KLRG1: variants seen among roughly 807,000 people sequenced by gnomAD.
KLRG1 encodes the protein killer cell lectin-like receptor subfamily G member 1.
In KLRG1, 16 loss-of-function variants were observed where a neutral mutation model predicts 21.8. That is an observed-to-expected ratio of 0.73 (90% CI 0.50 to 1.11). The LOEUF (loss-of-function observed/expected upper bound fraction) is 1.11. Among genes scored for constraint, KLRG1 ranks in the 50% most tolerant of loss-of-function variants. The pLI is 0.00. For synonymous variants in KLRG1, 69 were observed against 75.9 expected, an observed-to-expected ratio of 0.91 and a Z score of 0.47; for missense variants, 173 against 218.3, an observed-to-expected ratio of 0.79 and a Z score of 1.31.
intron 1 of KLRG1, among the ~76,000 whole-genome samples, chr12:8,960,490 TG>T (rs1292811007): frequency 6.6e-6 from 1 of 152,220 alleles, no homozygotes; most frequent in African/African-American, 2.4e-5. Flanking sequence ...TCTTAATATA[TG>T]GGATTTTCAG....
At chr12:9,175,358 C>T in the KLRG1 span, among the ~76,000 whole-genome samples, 1 of 151,914 alleles carries the variant, frequency 6.6e-6, no homozygotes, top group East Asian at 1.9e-4. Flanking sequence ...CTATAAAGAC[C>T]CTTGAAGAAA....
the KLRG1 span, among the ~76,000 whole-genome samples, chr12:9,114,865 A>G: frequency 2.0e-5 from 3 of 152,188 alleles, no homozygotes; most frequent in Admixed American, 2.0e-4. Flanking sequence ...ATACTTGTAT[A>G]TAACTGATCA....
chr12:9,051,493 G>A, the KLRG1 span, among the ~76,000 whole-genome samples: 2 of 152,188 alleles, frequency 1.3e-5, no homozygotes, highest in African/African-American at 4.8e-5. Context: ...GCGGAGAGGA[G>A]CAATCCTCTC....
chr12:9,208,215 G>T, the KLRG1 span: 2 of 1,488,694 alleles, frequency 1.3e-6, no homozygotes, highest in South Asian at 1.1e-5. Flanking sequence ...ACAAGGGAGA[G>T]ACTGAAACGC....
chr12:9,016,765 C>T, the KLRG1 span, among the ~76,000 whole-genome samples: 1 of 151,992 alleles, frequency 6.6e-6, no homozygotes, highest in Non-Finnish European at 1.5e-5. Context: ...AGGTGTGCGT[C>T]ACCACACCTG....
the KLRG1 span, among the ~76,000 whole-genome samples, chr12:9,182,776 G>T: frequency 6.6e-6 from 1 of 152,190 alleles, no homozygotes; most frequent in African/African-American, 2.4e-5. Context: ...TGGTCCACTG[G>T]GGACTTGAGT....
the KLRG1 span, chr12:9,106,257 C>T: frequency 6.2e-7 from 1 of 1,611,580 alleles, no homozygotes; most frequent in East Asian, 2.2e-5. Flanking sequence ...AGGGAATTCC[C>T]TGTCGAAAGT....
chr12:9,109,357 A>G, the KLRG1 span: 2 of 1,613,392 alleles, frequency 1.2e-6, no homozygotes, highest in Admixed American at 1.7e-5. Context: ...TTCTTCCAAG[A>G]TGGTGATTAT....
At chr12:9,130,310 C>A in the KLRG1 span, among the ~76,000 whole-genome samples, 2 of 152,136 alleles carry the variant, frequency 1.3e-5, no homozygotes, top group Non-Finnish European at 2.9e-5. Flanking sequence ...TGGATATACA[C>A]CCATAAGTAA....
At chr12:9,074,114 T>C in the KLRG1 span, among the ~76,000 whole-genome samples, 1 of 136,652 alleles carries the variant, frequency 7.3e-6, no homozygotes, top group South Asian at 2.3e-4. Context: ...AAAAGGTGAA[T>C]AGGGGAAGCA....
At chr12:8,989,850 T>C (rs902409260) in intron 1 of KLRG1, 133 bp downstream of exon 1, 1 of 608,522 alleles carries the variant, frequency 1.6e-6, no homozygotes, top group African/African-American at 1.9e-5. Flanking sequence ...TTTGGTTCAG[T>C]TTAAAGTCCA....
chr12:9,077,454 A>C, the KLRG1 span: 3 of 1,582,270 alleles, frequency 1.9e-6, no homozygotes, highest in Non-Finnish European at 2.6e-6. Flanking sequence ...GAATAATTCA[A>C]CTTCTGAGAA....
At chr12:9,166,111 G>A in the KLRG1 span, 23 of 1,613,364 alleles carry the variant, frequency 1.4e-5, no homozygotes, top group Non-Finnish European at 1.9e-5. Context: ...CCGTTTCAGG[G>A]ACTGGCCCTG....
chr12:9,111,559 G>A, the KLRG1 span: 3 of 456,346 alleles, frequency 6.6e-6, no homozygotes, highest in African/African-American at 2.0e-5. Context: ...TGAAGTGGAT[G>A]TGGGTATGAG....
At chr12:9,093,206 A>G in the KLRG1 span, among the ~76,000 whole-genome samples, 2 of 152,230 alleles carry the variant, frequency 1.3e-5, no homozygotes, top group African/African-American at 4.8e-5. Context: ...TGTATTGGAT[A>G]CTGAAACTTG....
the KLRG1 span, among the ~76,000 whole-genome samples, chr12:9,074,003 G>A: frequency 6.6e-6 from 1 of 150,394 alleles, no homozygotes; most frequent in Non-Finnish European, 1.5e-5. Flanking sequence ...CACTAGAATC[G>A]CTTGAACCTG....
At position 9,010,045 on chromosome 12, in the gene KLRG1, G is replaced by T; in HGVS notation, c.*508G>T. ...TTATTCTGAAGAATAAACCTAGCTG[G>T]CATGCTGGTGTGTACCTGTAGTCCT... is the stretch of plus-strand genomic sequence containing the variant. On this transcript the variant is annotated 3_prime_UTR_variant, in exon 5 of 5. Coordinates refer to ENST00000356986, the MANE Select transcript of KLRG1 (RefSeq NM_005810.4). 1 of 1,528,818 alleles carries T rather than the reference G, an allele frequency of 6.5e-7. No homozygotes were observed. Among genetic ancestry groups the T allele is most frequent in the Middle Eastern group, 2.1e-4 (1 of 4,856 alleles). The allele number at this position is 1,528,818 out of a possible 1,614,324, so 94.7% of individuals were successfully genotyped here. A position where few individuals can be genotyped will look rare whatever the true frequency, so the allele number is the denominator to read the frequency against.
At chr12:9,050,394 G>T in the KLRG1 span, among the ~76,000 whole-genome samples, 1 of 152,178 alleles carries the variant, frequency 6.6e-6, no homozygotes, top group Non-Finnish European at 1.5e-5. Flanking sequence ...CCTATTAATG[G>T]CAGTGGCTGC....
At chr12:9,131,442 TA>T in the KLRG1 span, among the ~76,000 whole-genome samples, 1 of 152,172 alleles carries the variant, frequency 6.6e-6, no homozygotes, top group Non-Finnish European at 1.5e-5. Flanking sequence ...TTATGTATAT[TA>T]TAATCAATCC....
Sources: gnomAD v4.1 joint callset for allele counts (sites outside exome capture counted in the v4.1 genomes callset) on GRCh38, gnomAD v4.1.1 for gene constraint, MANE v1.5 for transcripts, NCBI Gene and HGNC (gene_info 2026-07-23, HGNC 2026-07-21) for gene names.